Variants in CTNNA2 observed in about 807,000 individuals in gnomAD.
CTNNA2 encodes the protein catenin alpha-2.
CTNNA2 carries 42 observed loss-of-function variants against 101.0 expected under a neutral mutation model. The ratio of observed to expected loss-of-function variants is 0.42; its 90% CI spans 0.32 to 0.54. CTNNA2 has a LOEUF of 0.54. Among genes scored for constraint, CTNNA2 ranks in the 20% least tolerant of loss-of-function variants. The probability of loss-of-function intolerance (pLI) is 0.14; values close to 1 mark genes in which losing one functional copy is unlikely to be tolerated. For missense variants in CTNNA2, 871 were observed against 1,223.1 expected, an observed-to-expected ratio of 0.71 and a Z score of 4.29; for synonymous variants, 450 against 456.4, an observed-to-expected ratio of 0.99 and a Z score of 0.18.
chr2:80,519,083 TA>T (rs2149569516), intron 9 of CTNNA2, among the ~76,000 whole-genome samples: 1 of 152,262 alleles, frequency 6.6e-6, no homozygotes, highest in East Asian at 1.9e-4. Context: ...CTTGATTTGA[TA>T]AGGGAATACA....
chr2:80,174,883 A>G (rs1032722026), intron 7 of CTNNA2, among the ~76,000 whole-genome samples: 3 of 152,156 alleles, frequency 2.0e-5, no homozygotes, highest in Non-Finnish European at 4.4e-5. Context: ...CTGGACCACC[A>G]TACAGCCTCC....
At chr2:80,323,973 A>G (rs1678983112) in intron 7 of CTNNA2, among the ~76,000 whole-genome samples, 1 of 152,182 alleles carries the variant, frequency 6.6e-6, no homozygotes, top group Non-Finnish European at 1.5e-5. Context: ...AGCTTCCCTT[A>G]AAGCTGCAAT....
chr2:80,356,078 T>G (rs1369091245), intron 7 of CTNNA2, among the ~76,000 whole-genome samples: 1 of 152,144 alleles, frequency 6.6e-6, no homozygotes, highest in Non-Finnish European at 1.5e-5. Flanking sequence ...TTGGCTTTTG[T>G]TTCACTTTGT....
chr2:80,140,362 G>A (rs1702939420), intron 7 of CTNNA2, among the ~76,000 whole-genome samples: 1 of 152,242 alleles, frequency 6.6e-6, no homozygotes, highest in East Asian at 1.9e-4. Context: ...CCTCGGGCAT[G>A]CCATGACCTT....
intron 7 of CTNNA2, among the ~76,000 whole-genome samples, chr2:80,341,346 C>T (rs1179339355): frequency 1.3e-5 from 2 of 152,118 alleles, no homozygotes; most frequent in African/African-American, 2.4e-5. Flanking sequence ...CCAGTCATCT[C>T]ATTAATATAG....
At chr2:80,448,971 C>T (rs1385370992) in intron 9 of CTNNA2, among the ~76,000 whole-genome samples, 1 of 152,072 alleles carries the variant, frequency 6.6e-6, no homozygotes, top group Non-Finnish European at 1.5e-5. Flanking sequence ...GGTTAGCTAC[C>T]TGTAGAGCTG....
intron 7 of CTNNA2, among the ~76,000 whole-genome samples, chr2:79,959,257 A>C (rs1016181218): frequency 6.6e-6 from 1 of 152,022 alleles, no homozygotes; most frequent in African/African-American, 2.4e-5. Flanking sequence ...CTTTTTTTTC[A>C]TGAGAAGCAT....
intron 8 of CTNNA2, among the ~76,000 whole-genome samples, chr2:80,418,086 T>A (rs1383236078): frequency 6.6e-6 from 1 of 152,194 alleles, no homozygotes; most frequent in Non-Finnish European, 1.5e-5. Flanking sequence ...CCACTCTAAA[T>A]ATCTTTTCCT....
At chr2:79,624,011 TCTCTCTTTCCCCCATG>T (rs945033678) in intron 1 of CTNNA2, among the ~76,000 whole-genome samples, 7 of 151,986 alleles carry the variant, frequency 4.6e-5, no homozygotes, top group Non-Finnish European at 8.8e-5. Flanking sequence ...CCGTACAGTC[TCTCTCTTTCCCCCATG>T]CTCTCTTTCC....
At chr2:80,307,832 T>C (rs575678064) in intron 7 of CTNNA2, among the ~76,000 whole-genome samples, 1 of 152,308 alleles carries the variant, frequency 6.6e-6, no homozygotes, top group East Asian at 1.9e-4. Context: ...CAACATGTGA[T>C]TGGGCACTGA....
At chr2:80,312,409 G>A (rs1677676841) in intron 7 of CTNNA2, among the ~76,000 whole-genome samples, 1 of 152,230 alleles carries the variant, frequency 6.6e-6, no homozygotes, top group Non-Finnish European at 1.5e-5. Context: ...AGTGACTTAG[G>A]TCAGAGCAGG....
At chr2:80,246,922 C>T (rs1438556516) in intron 7 of CTNNA2, among the ~76,000 whole-genome samples, 1 of 152,164 alleles carries the variant, frequency 6.6e-6, no homozygotes, top group Non-Finnish European at 1.5e-5. Context: ...TTAGTATGTC[C>T]TTGGAAATAC....
At chr2:80,468,874 A>C (rs1249222558) in intron 9 of CTNNA2, among the ~76,000 whole-genome samples, 1 of 152,170 alleles carries the variant, frequency 6.6e-6, no homozygotes, top group Non-Finnish European at 1.5e-5. Context: ...AGGATGATGA[A>C]TTTTGCCCCA....
chr2:79,300,128 A>G (rs1193123576), intron 2 of CTNNA2, among the ~76,000 whole-genome samples: 1 of 152,208 alleles, frequency 6.6e-6, no homozygotes, highest in Non-Finnish European at 1.5e-5. Flanking sequence ...TACAGTAATC[A>G]TACAGAATAG....
chr2:80,428,287 G>A (rs531969400), intron 9 of CTNNA2, among the ~76,000 whole-genome samples: 1 of 152,144 alleles, frequency 6.6e-6, no homozygotes, highest in Non-Finnish European at 1.5e-5. Context: ...TTGAACAAAG[G>A]CATGACATAA....
At chr2:79,527,127 A>G (rs141723063) in intron 1 of CTNNA2, among the ~76,000 whole-genome samples, 2 of 152,158 alleles carry the variant, frequency 1.3e-5, no homozygotes, top group Admixed American at 6.6e-5. Flanking sequence ...TATTCTTCCA[A>G]ATTTATAAAG....
At chr2:80,099,629 G>T (rs1362157685) in intron 7 of CTNNA2, among the ~76,000 whole-genome samples, 1 of 151,972 alleles carries the variant, frequency 6.6e-6, no homozygotes, top group Non-Finnish European at 1.5e-5. Flanking sequence ...TGTGGTGTGT[G>T]GTCACCAAAA....
At chr2:80,633,886 C>T (rs1379499933) in intron 18 of CTNNA2, among the ~76,000 whole-genome samples, 1 of 152,086 alleles carries the variant, frequency 6.6e-6, no homozygotes, top group African/African-American at 2.4e-5. Flanking sequence ...TGCTTACATG[C>T]AAGGTACAGT....
intron 15 of CTNNA2, among the ~76,000 whole-genome samples, chr2:80,595,089 A>G (rs1393794085): frequency 1.3e-5 from 2 of 152,074 alleles, no homozygotes; most frequent in Non-Finnish European, 2.9e-5. Context: ...GATCTCTTTC[A>G]GTAGTATTGA....
Sources: gnomAD v4.1 joint callset for allele counts (sites outside exome capture counted in the v4.1 genomes callset) on GRCh38, gnomAD v4.1.1 for gene constraint, MANE v1.5 for transcripts, NCBI Gene and HGNC (gene_info 2026-07-23, HGNC 2026-07-21) for gene names.